HEMK2: variants seen among roughly 807,000 people sequenced by gnomAD.
The protein encoded by HEMK2 is HemK methyltransferase 2, ETF1 glutamine and histone H4 lysine, also known as methyltransferase HEMK2.
the HEMK2 span, among the ~76,000 whole-genome samples, chr21:28,585,949 A>G: frequency 6.6e-6 from 1 of 152,260 alleles, no homozygotes; most frequent in Admixed American, 6.5e-5. Flanking sequence ...CTCCACCACA[A>G]TAATATCCAG....
At chr21:28,867,219 G>A in the HEMK2 span, among the ~76,000 whole-genome samples, 1 of 152,182 alleles carries the variant, frequency 6.6e-6, no homozygotes. Context: ...ATTCATAATA[G>A]TGAAAACTGG....
At chr21:28,872,639 T>A in the HEMK2 span, 2 of 152,238 alleles carry the variant, frequency 1.3e-5, no homozygotes, top group South Asian at 4.1e-4. Context: ...AGAGGTCCCA[T>A]GATCTGTCAT....
the HEMK2 span, among the ~76,000 whole-genome samples, chr21:28,594,179 G>T: frequency 6.6e-6 from 1 of 152,042 alleles, no homozygotes; most frequent in Non-Finnish European, 1.5e-5. Context: ...ACTCAAAACT[G>T]TCAAGGTAAT....
At chr21:28,679,462 C>T in the HEMK2 span, among the ~76,000 whole-genome samples, 2 of 152,282 alleles carry the variant, frequency 1.3e-5, no homozygotes, top group African/African-American at 2.4e-5. Context: ...TAGACTTTAA[C>T]ACCCCACTGT....
the HEMK2 span, among the ~76,000 whole-genome samples, chr21:28,858,056 C>A: frequency 1.3e-5 from 2 of 152,194 alleles, no homozygotes; most frequent in Non-Finnish European, 2.9e-5. Flanking sequence ...TGCGACTGAA[C>A]AACAAAACAG....
At chr21:28,783,660 T>C in the HEMK2 span, among the ~76,000 whole-genome samples, 339 of 152,320 alleles carry the variant, frequency 2.2e-3, 1 homozygote, top group African/African-American at 7.9e-3. Flanking sequence ...TGGCCATGCA[T>C]GAGGAGCCCT....
the HEMK2 span, among the ~76,000 whole-genome samples, chr21:28,728,241 T>A: frequency 9.4e-3 from 1,435 of 152,356 alleles, 37 homozygotes; most frequent in Admixed American, 0.05. Flanking sequence ...ATTAAAAGTA[T>A]TTAATGTCCT....
At chr21:28,690,902 G>T in the HEMK2 span, among the ~76,000 whole-genome samples, 57 of 152,126 alleles carry the variant, frequency 3.7e-4, no homozygotes, top group African/African-American at 1.3e-3. Flanking sequence ...GCTTCTCTCG[G>T]TCAGGATTTT....
the HEMK2 span, among the ~76,000 whole-genome samples, chr21:28,730,156 TCACTTG>T: frequency 1.3e-5 from 2 of 151,712 alleles, no homozygotes; most frequent in Admixed American, 6.6e-5. Flanking sequence ...GGCGGGAGGA[TCACTTG>T]AGTCCAGGAG....
the HEMK2 span, among the ~76,000 whole-genome samples, chr21:28,692,265 C>T: frequency 1.3e-5 from 2 of 152,034 alleles, no homozygotes; most frequent in Non-Finnish European, 2.9e-5. Flanking sequence ...CAGCAAGAGA[C>T]TAGTATCCAT....
At chr21:28,800,900 C>G in the HEMK2 span, among the ~76,000 whole-genome samples, 1 of 152,140 alleles carries the variant, frequency 6.6e-6, no homozygotes, top group East Asian at 1.9e-4. Context: ...ACCTGTGGGG[C>G]CCATCATTGA....
the HEMK2 span, among the ~76,000 whole-genome samples, chr21:28,768,079 C>A: frequency 7.2e-5 from 11 of 152,016 alleles, no homozygotes; most frequent in Non-Finnish European, 1.3e-4. Context: ...GAGGGTCTCT[C>A]TTTCATTATA....
the HEMK2 span, among the ~76,000 whole-genome samples, chr21:28,750,053 A>C: frequency 1.3e-4 from 20 of 152,350 alleles, no homozygotes; most frequent in Middle Eastern, 6.8e-3. Context: ...ACTCATCTTG[A>C]AGTTTAGGAC....
chr21:28,784,909 C>T, the HEMK2 span, among the ~76,000 whole-genome samples: 1 of 152,204 alleles, frequency 6.6e-6, no homozygotes, highest in Non-Finnish European at 1.5e-5. Context: ...TGCTGCTGCT[C>T]ACTCTCTGGG....
chr21:28,627,533 G>C, the HEMK2 span, among the ~76,000 whole-genome samples: 1,480 of 152,188 alleles, frequency 9.7e-3, 51 homozygotes, highest in Admixed American at 0.053. Context: ...ATTTGTAAGC[G>C]CTCTTCCATT....
the HEMK2 span, among the ~76,000 whole-genome samples, chr21:28,879,175 T>G: frequency 1.3e-5 from 2 of 151,054 alleles, no homozygotes; most frequent in Admixed American, 1.3e-4. Context: ...GCTTCCACCT[T>G]GTGGGCTCAG....
chr21:28,853,493 G>A, the HEMK2 span, among the ~76,000 whole-genome samples: 1 of 152,136 alleles, frequency 6.6e-6, no homozygotes, highest in Admixed American at 6.6e-5. Context: ...GAAAACTCAA[G>A]CAGTTATTTT....
chr21:28,842,564 T>G, the HEMK2 span, among the ~76,000 whole-genome samples: 1 of 152,132 alleles, frequency 6.6e-6, no homozygotes, highest in Non-Finnish European at 1.5e-5. Context: ...ACCTGGAAAT[T>G]ATTTGCTCAT....
the HEMK2 span, among the ~76,000 whole-genome samples, chr21:28,754,928 T>A: frequency 6.6e-6 from 1 of 152,166 alleles, no homozygotes; most frequent in Non-Finnish European, 1.5e-5. Flanking sequence ...AAGCAAGAGC[T>A]AGGGAGAAAC....
Sources: allele counts gnomAD v4.1 joint callset (sites outside exome capture counted in the v4.1 genomes callset), GRCh38; gene constraint gnomAD v4.1.1; transcripts MANE v1.5; gene names NCBI Gene and HGNC (gene_info 2026-07-23, HGNC 2026-07-21).